The following SMOC1 variants were observed in gnomAD, a reference collection of about 807,000 sequenced individuals.
SMOC1 encodes SPARC-related modular calcium-binding protein 1.
A neutral mutation model predicts 56.3 loss-of-function variants in SMOC1; 22 were observed. The observed-to-expected ratio is 0.39, with a 90% CI of 0.28 to 0.56. The LOEUF (loss-of-function observed/expected upper bound fraction) is 0.56. Ranked by LOEUF, SMOC1 falls within the 20% of genes least tolerant of loss-of-function variation. The pLI is 0.61. For synonymous variants in SMOC1, 193 were observed against 215.0 expected (o/e 0.90, Z 0.89); for missense variants, 509 against 565.4 (o/e 0.90, Z 1.01).
intron 1 of SMOC1, among the ~76,000 whole-genome samples, chr14:69,925,597 G>A (rs1046378409): frequency 1.3e-5 from 2 of 152,140 alleles, no homozygotes; most frequent in African/African-American, 2.4e-5. Flanking sequence ...TAGAGCCCAC[G>A]GGGCCGGGGC....
intron 1 of SMOC1, among the ~76,000 whole-genome samples, chr14:69,882,158 T>C (rs1008264687): frequency 1.3e-5 from 2 of 152,246 alleles, no homozygotes; most frequent in African/African-American, 4.8e-5. Flanking sequence ...AGTTCTTTTC[T>C]ATGGCTTATT....
chr14:69,888,409 A>G (rs1883868645), intron 1 of SMOC1, among the ~76,000 whole-genome samples: 1 of 152,272 alleles, frequency 6.6e-6, no homozygotes, highest in South Asian at 2.1e-4. Context: ...TACTTCCTGG[A>G]CGTCACCTTG....
intron 1 of SMOC1, among the ~76,000 whole-genome samples, chr14:69,935,481 G>C (rs912187914): frequency 1.3e-5 from 2 of 152,206 alleles, no homozygotes; most frequent in African/African-American, 4.8e-5. Context: ...TAAGTACTCT[G>C]ATTAGCTTGA....
At chr14:70,013,722 C>A (rs1170858670) in intron 10 of SMOC1, among the ~76,000 whole-genome samples, 1 of 152,192 alleles carries the variant, frequency 6.6e-6, no homozygotes, top group South Asian at 2.1e-4. Context: ...CTTTTAGTTA[C>A]CTGATTTATA....
At chr14:70,006,673 C>T (rs1263197694) in intron 7 of SMOC1, among the ~76,000 whole-genome samples, 2 of 152,190 alleles carry the variant, frequency 1.3e-5, no homozygotes, top group Non-Finnish European at 1.5e-5. Flanking sequence ...GTGGGTTGGC[C>T]GGATACTTGT....
At chr14:69,888,017 C>A (rs1289277202) in intron 1 of SMOC1, among the ~76,000 whole-genome samples, 2 of 152,128 alleles carry the variant, frequency 1.3e-5, no homozygotes, top group African/African-American at 4.8e-5. Context: ...CTCTGGGCCA[C>A]ATAGAGATTT....
chr14:69,905,132 G>A (rs1022307995), intron 1 of SMOC1, among the ~76,000 whole-genome samples: 6 of 152,128 alleles, frequency 3.9e-5, no homozygotes, highest in Non-Finnish European at 8.8e-5. Flanking sequence ...AATGTTATGT[G>A]TAAGAACAAT....
chr14:69,920,607 G>T (rs553527913), intron 1 of SMOC1, among the ~76,000 whole-genome samples: 11 of 152,340 alleles, frequency 7.2e-5, no homozygotes, highest in African/African-American at 2.4e-4. Flanking sequence ...ACAGCGCCAG[G>T]TAAGGATACA....
At position 69,999,291 on chromosome 14, in the gene SMOC1, A is replaced by G. The variant is rs1047051854; in HGVS notation, c.664+4811A>G. 3.9e-5 allele frequency among the ~76,000 whole-genome samples: 6 copies of G among 152,156 alleles called. No individual in the cohort carries two copies. The South Asian group carries it at 1.2e-3, about 32-fold the overall frequency. On this transcript the variant is annotated intron_variant, in intron 7 of 11. Transcript: ENST00000361956. The stretch of plus-strand genomic sequence containing the variant: ...GCTGCTATGACTGGGACTTGGGGTC[A>G]CTGAGGCAACTGCACCTCCTGGCTG...
intron 3 of SMOC1, among the ~76,000 whole-genome samples, chr14:69,975,211 T>G (rs1594833005): frequency 1.3e-5 from 2 of 152,136 alleles, no homozygotes; most frequent in Admixed American, 6.5e-5. Context: ...GGTGTGGTGG[T>G]GCATGCTTGT....
At chr14:69,989,404 G>T (rs573096987) in intron 5 of SMOC1, among the ~76,000 whole-genome samples, 3 of 152,086 alleles carry the variant, frequency 2.0e-5, no homozygotes, top group Non-Finnish European at 4.4e-5. Context: ...GAGTTGTAAG[G>T]TTTACCTTAT....
chr14:69,949,993 G>A (rs1208977776), intron 1 of SMOC1, among the ~76,000 whole-genome samples: 1 of 152,162 alleles, frequency 6.6e-6, no homozygotes, highest in Non-Finnish European at 1.5e-5. Flanking sequence ...GGCTTCTCTG[G>A]AGATGATGAT....
chr14:69,979,844 A>T (rs934943166), intron 5 of SMOC1, among the ~76,000 whole-genome samples: 1 of 152,190 alleles, frequency 6.6e-6, no homozygotes, highest in African/African-American at 2.4e-5. Flanking sequence ...AAAAATTGTC[A>T]ATCATGCAAA....
At chr14:69,962,370 G>T (rs969147736) in intron 3 of SMOC1, among the ~76,000 whole-genome samples, 1 of 152,068 alleles carries the variant, frequency 6.6e-6, no homozygotes, top group African/African-American at 2.4e-5. Context: ...TCACCATGTC[G>T]GCCAGGCTGG....
At chr14:69,998,163 T>G (rs1224731929) in intron 7 of SMOC1, among the ~76,000 whole-genome samples, 1 of 152,236 alleles carries the variant, frequency 6.6e-6, no homozygotes, top group Admixed American at 6.5e-5. Context: ...CTTTGTCATG[T>G]GTTCACTATA....
intron 11 of SMOC1, among the ~76,000 whole-genome samples, chr14:70,026,278 C>T (rs1231486337): frequency 6.6e-6 from 1 of 152,218 alleles, no homozygotes; most frequent in Non-Finnish European, 1.5e-5. Flanking sequence ...CTGGGCTAAG[C>T]GATGATGCTC....
intron 1 of SMOC1, among the ~76,000 whole-genome samples, chr14:69,918,656 T>C (rs1884751605): frequency 1.3e-5 from 2 of 152,232 alleles, no homozygotes; most frequent in African/African-American, 4.8e-5. Flanking sequence ...TCTTCATCTT[T>C]GAAATCTGTA....
chr14:69,902,139 G>A (rs937439815), intron 1 of SMOC1, among the ~76,000 whole-genome samples: 5 of 152,188 alleles, frequency 3.3e-5, no homozygotes, highest in South Asian at 4.1e-4. Flanking sequence ...TGAAACTCTG[G>A]AGAAAGACAA....
At chr14:69,920,947 A>G in intron 1 of SMOC1, among the ~76,000 whole-genome samples, 1 of 152,142 alleles carries the variant, frequency 6.6e-6, no homozygotes, top group East Asian at 1.9e-4. Flanking sequence ...AAGATGGGGA[A>G]CCCTGCTCTG....
Sources: allele counts gnomAD v4.1 joint callset (sites outside exome capture counted in the v4.1 genomes callset), GRCh38; gene constraint gnomAD v4.1.1; transcripts MANE v1.5; gene names NCBI Gene and HGNC (gene_info 2026-07-23, HGNC 2026-07-21).